Variants in BTBD9 observed in about 807,000 individuals in gnomAD.
BTBD9 encodes the protein BTB/POZ domain-containing protein 9.
In BTBD9, 49 loss-of-function variants were observed where a neutral mutation model predicts 64.3. That is an observed-to-expected ratio of 0.76 (90% CI 0.61 to 0.97). BTBD9 has a LOEUF of 0.97. Among genes scored for constraint, BTBD9 ranks in the 50% least tolerant of loss-of-function variants. BTBD9 has a pLI of 0.00. For missense variants in BTBD9, 598 were observed against 762.1 expected (o/e 0.78, Z 2.53); for synonymous variants, 260 against 274.7 (o/e 0.95, Z 0.53).
chr6:38,267,685 A>G (rs1582139083), intron 8 of BTBD9, among the ~76,000 whole-genome samples: 1 of 152,344 alleles, frequency 6.6e-6, no homozygotes, highest in East Asian at 1.9e-4. Flanking sequence ...CACGCCTGTA[A>G]TCCCAGCACT....
Position 38,580,341 on chromosome 6 carries a change from T to C in BTBD9, c.911A>G (p.Asp304Gly). 2.5e-6 allele frequency: 4 copies of C among 1,614,222 alleles called. No individual in the cohort carries two copies. The highest frequency in any genetic ancestry group is 3.4e-6 in the Non-Finnish European group (4 of 1,180,036). The change falls in exon 5 of 11, where the codon GAT (aspartate) becomes GGT (glycine). Residue 304 changes from aspartate to glycine, a missense_variant. By Grantham distance (94) the Asp-to-Gly change is moderately conservative. Transcript: ENST00000481247. The stretch of plus-strand genomic sequence containing the variant: ...GTGCCTTGAAAATCCATGATCCAAA[T>C]CATAATTTTGAGTATCACCATCTAA... ...ALLDGDTQNY[D>G]LDHGFSRHPI... is the part of the protein sequence containing the mutation.
chr6:38,506,935 A>T (rs971976921), intron 6 of BTBD9, among the ~76,000 whole-genome samples: 4 of 151,768 alleles, frequency 2.6e-5, no homozygotes, highest in African/African-American at 9.7e-5. Flanking sequence ...TTTTTCCCTA[A>T]CTCACCTCAC....
chr6:38,242,798 G>A (rs1345146276), intron 9 of BTBD9, among the ~76,000 whole-genome samples: 1 of 152,206 alleles, frequency 6.6e-6, no homozygotes, highest in Non-Finnish European at 1.5e-5. Flanking sequence ...GGGAAAAGCT[G>A]CTCCTATACT....
At chr6:38,530,103 T>C (rs778511612) in intron 6 of BTBD9, among the ~76,000 whole-genome samples, 19 of 152,272 alleles carry the variant, frequency 1.2e-4, no homozygotes, top group African/African-American at 2.6e-4. Flanking sequence ...TCTTCTGCAG[T>C]TGAGATAAGG....
At chr6:38,245,741 G>GT (rs1212094260) in intron 9 of BTBD9, among the ~76,000 whole-genome samples, 1 of 152,262 alleles carries the variant, frequency 6.6e-6, no homozygotes. Flanking sequence ...AGTGGAACAG[G>GT]TAAGTGATGA....
chr6:38,375,961 AAG>A (rs1415548258), intron 6 of BTBD9, among the ~76,000 whole-genome samples: 3 of 151,554 alleles, frequency 2.0e-5, no homozygotes, highest in Admixed American at 1.3e-4. Flanking sequence ...GAAAGAAAGA[AAG>A]AAAAAACGTG....
chr6:38,209,388 A>G (rs1186101599), intron 9 of BTBD9, among the ~76,000 whole-genome samples: 9 of 152,228 alleles, frequency 5.9e-5, no homozygotes, highest in Non-Finnish European at 4.4e-5. Context: ...GTAAATCCTT[A>G]TACTGTTTTG....
At chr6:38,525,187 A>G (rs4236061) in intron 6 of BTBD9, among the ~76,000 whole-genome samples, 97,725 of 151,884 alleles carry the variant, frequency 0.64, 32,055 homozygotes, top group Middle Eastern at 0.78. Context: ...TTTCCCCTAC[A>G]CTGTTCTCAT....
At chr6:38,210,301 C>T (rs1002474112) in intron 9 of BTBD9, among the ~76,000 whole-genome samples, 1 of 152,132 alleles carries the variant, frequency 6.6e-6, no homozygotes, top group African/African-American at 2.4e-5. Context: ...TTATCTCTCT[C>T]TCTCTCTCTT....
intron 6 of BTBD9, among the ~76,000 whole-genome samples, chr6:38,357,739 CTTCAT>C (rs1437108137): frequency 6.6e-6 from 1 of 152,118 alleles, no homozygotes; most frequent in Non-Finnish European, 1.5e-5. Context: ...AACCATTTCT[CTTCAT>C]TTCCTTTCCC....
Position 38,615,354 on chromosome 6 carries a change from T to C in BTBD9, c.-27-17233A>G, listed in dbSNP as rs554382797. ...AATATAAATCAGATCAGTCACTCCA[T>C]TGCTTAAAACACTTCAGTGCCTTCC... On this transcript the variant is annotated intron_variant, in intron 1 of 10. Transcript: ENST00000481247. Among the ~76,000 whole-genome samples, 20 of 152,330 alleles carry C rather than the reference T, an allele frequency of 1.3e-4. No homozygotes were observed. In the South Asian group the frequency reaches 3.7e-3, roughly 28 times the overall value.
At chr6:38,288,119 CCCTT>C (rs1761815043) in intron 8 of BTBD9, among the ~76,000 whole-genome samples, 149 bp downstream of exon 8, 1 of 152,160 alleles carries the variant, frequency 6.6e-6, no homozygotes. Flanking sequence ...TCGTTGTTGT[CCCTT>C]CCTTCGGCTC....
At chr6:38,309,119 C>T (rs1243684259) in intron 7 of BTBD9, among the ~76,000 whole-genome samples, 1 of 151,698 alleles carries the variant, frequency 6.6e-6, no homozygotes, top group African/African-American at 2.4e-5. Flanking sequence ...CCTGTAATCC[C>T]AGCACTTTGG....
At chr6:38,289,746 GTC>G (rs1023724816) in intron 7 of BTBD9, among the ~76,000 whole-genome samples, 1 of 151,974 alleles carries the variant, frequency 6.6e-6, no homozygotes, top group African/African-American at 2.4e-5. Flanking sequence ...CTGATTTTGA[GTC>G]TCTCTCTATA....
chr6:38,437,088 T>C (rs1768777438), intron 6 of BTBD9, among the ~76,000 whole-genome samples: 1 of 152,198 alleles, frequency 6.6e-6, no homozygotes, highest in African/African-American at 2.4e-5. Flanking sequence ...AAGCATCTAA[T>C]TAATACAAAT....
chr6:38,590,904 T>C (rs375835797), intron 4 of BTBD9, among the ~76,000 whole-genome samples: 13 of 152,202 alleles, frequency 8.5e-5, no homozygotes, highest in Non-Finnish European at 1.2e-4. Context: ...CCTTGAATCA[T>C]CAAGATCTAT....
intron 6 of BTBD9, among the ~76,000 whole-genome samples, chr6:38,429,861 G>T (rs1189178182): frequency 1.3e-5 from 2 of 151,910 alleles, no homozygotes; most frequent in Non-Finnish European, 2.9e-5. Flanking sequence ...TAGGCTTCTT[G>T]CTAAAAATTA....
Position 38,616,042 on chromosome 6 carries a change from T to C in BTBD9, c.-27-17921A>G, listed in dbSNP as rs541152685. ...CCAGTAACTTTATATAAGAGTCTTG[T>C]AGCTGACTGGAGGGAGATTCTCCAA... is the stretch of plus-strand genomic sequence containing the variant. On this transcript the variant is annotated intron_variant, in intron 1 of 10. Transcript: ENST00000481247. Among the ~76,000 whole-genome samples the C allele has an allele frequency of 5.3e-5, 8 of 152,302 alleles. No individual in the cohort carries two copies. The East Asian group carries it at 5.8e-4, about 11-fold the overall frequency.
intron 6 of BTBD9, among the ~76,000 whole-genome samples, chr6:38,438,366 T>C (rs1022525367): frequency 5.3e-5 from 8 of 152,096 alleles, no homozygotes; most frequent in African/African-American, 1.2e-4. Flanking sequence ...AGAAAAACCG[T>C]TGAAGTGGAG....
Sources: gnomAD v4.1 joint callset for allele counts (sites outside exome capture counted in the v4.1 genomes callset) on GRCh38, gnomAD v4.1.1 for gene constraint, MANE v1.5 for transcripts, NCBI Gene and HGNC (gene_info 2026-07-23, HGNC 2026-07-21) for gene names.